MAP3K4: variants seen among roughly 807,000 people sequenced by gnomAD.
MAP3K4 encodes mitogen-activated protein kinase kinase kinase 4.
Under a neutral mutation model 185.6 loss-of-function variants are expected in MAP3K4, and 67 were observed. That is an observed-to-expected ratio of 0.36 (90% CI 0.30 to 0.44). The LOEUF (loss-of-function observed/expected upper bound fraction) is 0.44. Among genes scored for constraint, MAP3K4 ranks in the 20% least tolerant of loss-of-function variants. The probability of loss-of-function intolerance (pLI) is 1.00; values close to 1 mark genes in which losing one functional copy is unlikely to be tolerated. For synonymous variants in MAP3K4, 702 were observed against 710.4 expected, an observed-to-expected ratio of 0.99 and a Z score of 0.19; for missense variants, 1,551 against 1,995.1, an observed-to-expected ratio of 0.78 and a Z score of 4.24.
At chr6:160,999,429 C>T (rs7775116) in intron 1 of MAP3K4, among the ~76,000 whole-genome samples, 1 of 152,124 alleles carries the variant, frequency 6.6e-6, no homozygotes, top group African/African-American at 2.4e-5. Flanking sequence ...TTAGTTGTAT[C>T]TGTTAAGTAT....
intron 4 of MAP3K4, among the ~76,000 whole-genome samples, chr6:161,072,719 G>C (rs1042950006): frequency 6.6e-6 from 1 of 152,144 alleles, no homozygotes; most frequent in Non-Finnish European, 1.5e-5. Flanking sequence ...GTATGAAAAC[G>C]AATGTGACTG....
rs939348142 is a variant in MAP3K4 at position 161,086,307 on chromosome 6, A to G, written c.2373-72A>G. ...GTGATTTGGAATTTGCTTCATCTTTATTGTTAAATCCCTCTTGCACCTCTG... is the reference window on the plus strand; with the variant it reads ...GTGATTTGGAATTTGCTTCATCTTTGTTGTTAAATCCCTCTTGCACCTCTG... On this transcript the variant is annotated intron_variant, in intron 7 of 26. Transcript: ENST00000392142. This position sits in a 1 kb window ranked among gnomAD's most constrained non-coding sequence, Gnocchi z 4.8. 2.4e-6 allele frequency: 2 copies of G among 836,958 alleles called. No homozygotes were observed. Among genetic ancestry groups the G allele is most frequent in the African/African-American group, 3.4e-5 (2 of 58,660 alleles). The allele number at this position is 836,958 out of a possible 1,614,324, so 51.8% of individuals were successfully genotyped here.
Position 161,070,964 on chromosome 6 carries a change from A to G in MAP3K4, c.1950+114A>G. On this transcript the variant is annotated intron_variant, in intron 4 of 26. Coordinates refer to ENST00000392142, the MANE Select transcript of MAP3K4 (RefSeq NM_005922.4). The surrounding 1 kb of genome is among the most constrained non-coding windows in gnomAD (Gnocchi z 4.5). ...TCTTAATTGTCGCAAATAGTGAAAAATGACTGTTTGTCCATGGTTTTAAGC... is the reference window on the plus strand; with the variant it reads ...TCTTAATTGTCGCAAATAGTGAAAAGTGACTGTTTGTCCATGGTTTTAAGC... 1 of 1,005,384 alleles carries G rather than the reference A, an allele frequency of 9.9e-7. No individual in the cohort carries two copies. The highest frequency in any genetic ancestry group is 1.4e-6 in the Non-Finnish European group (1 of 712,882). 62.3% of individuals were successfully genotyped at this position (1,005,384 alleles called of 1,614,324 possible).
chr6:160,998,650 T>TC (rs1282469820), intron 1 of MAP3K4, among the ~76,000 whole-genome samples: 2 of 152,164 alleles, frequency 1.3e-5, no homozygotes, highest in African/African-American at 2.4e-5. Context: ...TAGAAACAAC[T>TC]CCAACAGTAA....
rs753363987 is a variant in MAP3K4 at position 161,108,928 on chromosome 6, C to T, written c.4236+69C>T. 1.9e-6 allele frequency: 3 copies of T among 1,587,992 alleles called. No homozygotes were observed. The highest frequency in any genetic ancestry group is 2.6e-6 in the Non-Finnish European group (3 of 1,156,244). ...GGGCACAGAATGGAGTCCTGTTCTA[C>T]ATCACAGGTCTTCTCATTTCAGAGC... On this transcript the variant is annotated intron_variant, in intron 22 of 26. Transcript: ENST00000392142. This position sits in a 1 kb window ranked among gnomAD's most constrained non-coding sequence, Gnocchi z 5.7.
At chr6:161,005,050 T>G (rs1781513239) in intron 1 of MAP3K4, among the ~76,000 whole-genome samples, 1 of 151,920 alleles carries the variant, frequency 6.6e-6, no homozygotes, top group Admixed American at 6.6e-5. Context: ...CCATGACAAA[T>G]AAAATTCCCT....
chr6:161,003,425 A>G (rs1781424612), intron 1 of MAP3K4, among the ~76,000 whole-genome samples: 1 of 152,202 alleles, frequency 6.6e-6, no homozygotes, highest in Admixed American at 6.5e-5. Context: ...TTCTTTTTCC[A>G]CTTGATCTTT....
At chr6:161,021,630 C>T (rs930429213) in intron 1 of MAP3K4, among the ~76,000 whole-genome samples, 4 of 152,216 alleles carry the variant, frequency 2.6e-5, no homozygotes, top group African/African-American at 9.7e-5. Context: ...CTGTAATCTT[C>T]CTCCATAGCA....
rs531263727 is a variant in MAP3K4, at chr6:161,106,157, G to A, written c.3857-357G>A. Among the ~76,000 whole-genome samples, 1 of 152,088 alleles carries A rather than the reference G, an allele frequency of 6.6e-6. No individual in the cohort carries two copies. The highest frequency in any genetic ancestry group is 1.5e-5 in the Non-Finnish European group (1 of 68,020). ...GGCCTCGTGAATTAAATTTATGTAG[G>A]ACAGTAACATGATCACATTTTATGT... On this transcript the variant is annotated intron_variant, in intron 19 of 26. Coordinates refer to ENST00000392142, the MANE Select transcript of MAP3K4 (RefSeq NM_005922.4). The surrounding 1 kb of genome is among the most constrained non-coding windows in gnomAD (Gnocchi z 4.9).
rs1325324811 is a variant in MAP3K4, at chr6:161,080,854, G to A, written c.2098-27G>A. 1.9e-6 allele frequency: 3 copies of A among 1,609,236 alleles called. No homozygotes were observed. The highest frequency in any genetic ancestry group is 2.2e-5 in the East Asian group (1 of 44,798). Reference sequence around the variant, plus strand: ...GAGTTGCCAAGTTCTACTTTCAAATGTCTCCCTTTACTTTTTGTGTTTTAA... The same window carrying A: ...GAGTTGCCAAGTTCTACTTTCAAATATCTCCCTTTACTTTTTGTGTTTTAA... On this transcript the variant is annotated intron_variant, in intron 5 of 26. Coordinates refer to ENST00000392142, the MANE Select transcript of MAP3K4 (RefSeq NM_005922.4). This position sits in a 1 kb window ranked among gnomAD's most constrained non-coding sequence, Gnocchi z 4.8.
chr6:161,067,230 G>A lies in MAP3K4; in HGVS notation c.1708-3378G>A, dbSNP rs1352879417. 4.6e-6 allele frequency: 2 copies of A among 433,348 alleles called. No homozygotes were observed. Among genetic ancestry groups the A allele is most frequent in the South Asian group, 1.7e-5 (1 of 60,418 alleles). 26.8% of individuals were successfully genotyped at this position (433,348 alleles called of 1,614,324 possible). A position where few individuals can be genotyped will look rare whatever the true frequency, so the allele number is the denominator to read the frequency against. On this transcript the variant is annotated intron_variant, in intron 3 of 26. Coordinates refer to ENST00000392142, the MANE Select transcript of MAP3K4 (RefSeq NM_005922.4). The surrounding 1 kb of genome is among the most constrained non-coding windows in gnomAD (Gnocchi z 6.3). ...ATGAGACATCAATCAATATATGTAA[G>A]ATGTACATTGGTTCCATCCAGAAAG...
chr6:161,094,664 G>A (rs929761917), intron 15 of MAP3K4, among the ~76,000 whole-genome samples: 1 of 152,174 alleles, frequency 6.6e-6, no homozygotes, highest in African/African-American at 2.4e-5. Flanking sequence ...TAGGGTACTT[G>A]CTGGCTGCAG....
In MAP3K4 at chr6:161,074,343, C is replaced by CT. The variant is rs777265750; in HGVS notation, c.2097+735dup. ...TCACTTACACTGAATGTGCCCTGTG[C>CT]TTTTAACCTCTGTTCACATTCTTCT... On this transcript the variant is annotated intron_variant, in intron 5 of 26. Transcript: ENST00000392142. The surrounding 1 kb of genome is among the most constrained non-coding windows in gnomAD (Gnocchi z 5.0). 2.0e-5 allele frequency among the ~76,000 whole-genome samples: 3 copies of CT among 152,224 alleles called. No individual in the cohort carries two copies. Among genetic ancestry groups the CT allele is most frequent in the Non-Finnish European group, 4.4e-5 (3 of 68,038 alleles).
rs1785162578 is a variant in MAP3K4 at position 161,076,056 on chromosome 6, A to T, written c.2097+2444A>T. Among the ~76,000 whole-genome samples the T allele has an allele frequency of 6.6e-6, 1 of 152,184 alleles. No homozygotes were observed. The highest frequency in any genetic ancestry group is 1.5e-5 in the Non-Finnish European group (1 of 68,026). ...AAATTCCTTCTTCAGAGAAGGAGGAAATTGGCCACAATATCCTTTCCCATA... is the reference window on the plus strand; with the variant it reads ...AAATTCCTTCTTCAGAGAAGGAGGATATTGGCCACAATATCCTTTCCCATA... On this transcript the variant is annotated intron_variant, in intron 5 of 26. Transcript: ENST00000392142. This position sits in a 1 kb window ranked among gnomAD's most constrained non-coding sequence, Gnocchi z 4.2.
At chr6:161,050,526 G>T (rs926424424) in intron 3 of MAP3K4, among the ~76,000 whole-genome samples, 5 of 152,200 alleles carry the variant, frequency 3.3e-5, no homozygotes, top group African/African-American at 1.2e-4. Context: ...AAAGTGTTCG[G>T]TGCAGGTGAT....
chr6:161,040,385 TAATTG>T (rs1783396388), intron 2 of MAP3K4, among the ~76,000 whole-genome samples: 1 of 152,170 alleles, frequency 6.6e-6, no homozygotes, highest in African/African-American at 2.4e-5. Flanking sequence ...TCACAGTATT[TAATTG>T]AATGCAACTA....
intron 2 of MAP3K4, among the ~76,000 whole-genome samples, chr6:161,041,976 C>T (rs993155650): frequency 1.2e-4 from 17 of 139,736 alleles, no homozygotes; most frequent in African/African-American, 8.2e-5. Flanking sequence ...CAGACTGGCC[C>T]GGAACCTCTG....
chr6:161,006,967 A>G (rs567199369), intron 1 of MAP3K4, among the ~76,000 whole-genome samples: 2 of 152,320 alleles, frequency 1.3e-5, no homozygotes. Flanking sequence ...CCCTATTATA[A>G]CCCATTAATT....
intron 2 of MAP3K4, among the ~76,000 whole-genome samples, chr6:161,042,922 A>G (rs1468363654): frequency 1.4e-5 from 2 of 141,722 alleles, no homozygotes; most frequent in Non-Finnish European, 2.9e-5. Flanking sequence ...ACACACACAC[A>G]CACACACACA....
Sources: gnomAD v4.1 joint callset for allele counts (sites outside exome capture counted in the v4.1 genomes callset) on GRCh38, gnomAD v4.1.1 for gene constraint, Gnocchi (gnomAD v3.1) non-coding constraint, MANE v1.5 for transcripts, NCBI Gene and HGNC (gene_info 2026-07-23, HGNC 2026-07-21) for gene names.